Variants in ACVR1C observed in about 807,000 individuals in gnomAD.
The protein encoded by ACVR1C is activin A receptor type 1C.
Under a neutral mutation model 57.9 loss-of-function variants are expected in ACVR1C, and 23 were observed. The observed-to-expected ratio is 0.40, with a 90% CI of 0.29 to 0.56. The LOEUF (loss-of-function observed/expected upper bound fraction) is 0.56. Among genes scored for constraint, ACVR1C ranks in the 20% least tolerant of loss-of-function variants. ACVR1C has a pLI of 0.50. For synonymous variants in ACVR1C, 214 were observed against 215.3 expected (o/e 0.99, Z 0.05); for missense variants, 480 against 607.9 (o/e 0.79, Z 2.21).
chr2:157,552,409 A>C (rs1322337610), intron 3 of ACVR1C, among the ~76,000 whole-genome samples: 1 of 152,252 alleles, frequency 6.6e-6, no homozygotes, highest in Non-Finnish European at 1.5e-5. Flanking sequence ...CTGGGATTAC[A>C]GGCGTGAGCC....
intron 2 of ACVR1C, among the ~76,000 whole-genome samples, chr2:157,573,537 G>T (rs1159485532): frequency 4.0e-5 from 6 of 151,804 alleles, no homozygotes; most frequent in African/African-American, 1.5e-4. Context: ...CCTGAAATTT[G>T]AAGGGTTTTT....
At chr2:157,573,967 A>G (rs1688586147) in intron 2 of ACVR1C, among the ~76,000 whole-genome samples, 1 of 152,226 alleles carries the variant, frequency 6.6e-6, no homozygotes, top group Non-Finnish European at 1.5e-5. Flanking sequence ...ACTCTAGGCC[A>G]GTGGATATAA....
At chr2:157,555,118 T>TC in intron 3 of ACVR1C, among the ~76,000 whole-genome samples, 1 of 124,376 alleles carries the variant, frequency 8.0e-6, no homozygotes, top group East Asian at 2.1e-4. Flanking sequence ...TTTTTTTTTT[T>TC]TTTTTTTTTT....
chr2:157,610,187 T>A (rs1277621086), intron 1 of ACVR1C, among the ~76,000 whole-genome samples: 1 of 152,102 alleles, frequency 6.6e-6, no homozygotes, highest in Non-Finnish European at 1.5e-5. Flanking sequence ...TTCATGATGG[T>A]TGTCTTTTTG....
At chr2:157,562,539 C>T (rs1285003035) in intron 2 of ACVR1C, among the ~76,000 whole-genome samples, 4 of 150,734 alleles carry the variant, frequency 2.7e-5, no homozygotes, top group East Asian at 1.9e-4. Context: ...CAGGACCAGA[C>T]GTACAGAGAG....
intron 2 of ACVR1C, among the ~76,000 whole-genome samples, chr2:157,580,561 C>T (rs1688767090): frequency 6.6e-6 from 1 of 152,164 alleles, no homozygotes; most frequent in African/African-American, 2.4e-5. Context: ...CACAGAAACC[C>T]TTCTTGCTAC....
chr2:157,536,430 A>G (rs1687489227), intron 8 of ACVR1C, among the ~76,000 whole-genome samples: 1 of 152,182 alleles, frequency 6.6e-6, no homozygotes, highest in African/African-American at 2.4e-5. Flanking sequence ...AGATAAATTA[A>G]CTAAAAATTT....
intron 2 of ACVR1C, among the ~76,000 whole-genome samples, chr2:157,559,909 G>A (rs1476691393): frequency 6.6e-6 from 1 of 150,800 alleles, no homozygotes; most frequent in Non-Finnish European, 1.5e-5. Flanking sequence ...GAAGGAAAGA[G>A]GAAGGAAGAA....
intron 1 of ACVR1C, among the ~76,000 whole-genome samples, chr2:157,599,446 G>T (rs1682230984): frequency 6.6e-6 from 1 of 150,968 alleles, no homozygotes; most frequent in Non-Finnish European, 1.5e-5. Context: ...TCTGCCCACG[G>T]AACAGGGCTG....
intron 1 of ACVR1C, 68 bp downstream of exon 1, chr2:157,628,504 G>C: frequency 6.6e-7 from 1 of 1,520,192 alleles, no homozygotes; most frequent in Admixed American, 1.9e-5. Flanking sequence ...CCCCACCCCC[G>C]TGCTCACCCG....
chr2:157,538,313 T>A (rs764267714), intron 8 of ACVR1C, among the ~76,000 whole-genome samples: 10 of 152,292 alleles, frequency 6.6e-5, no homozygotes, highest in Non-Finnish European at 1.3e-4. Context: ...GAGAGTTGCC[T>A]AACCTGCAGA....
intron 2 of ACVR1C, among the ~76,000 whole-genome samples, chr2:157,565,232 T>G (rs1688336184): frequency 6.6e-6 from 1 of 152,120 alleles, no homozygotes; most frequent in Non-Finnish European, 1.5e-5. Context: ...AATACATAAC[T>G]GCACTTTGAT....
chr2:157,538,143 C>A (rs2105202888), intron 8 of ACVR1C, among the ~76,000 whole-genome samples: 1 of 152,214 alleles, frequency 6.6e-6, no homozygotes, highest in Admixed American at 6.5e-5. Flanking sequence ...TGGTAGGAGC[C>A]ATAAGTGGAA....
intron 2 of ACVR1C, among the ~76,000 whole-genome samples, chr2:157,576,206 T>TTTTC (rs1301933932): frequency 1.4e-5 from 2 of 138,830 alleles, no homozygotes; most frequent in African/African-American, 2.7e-5. Context: ...ATCATTTCTT[T>TTTTC]TTTTTTTTTT....
intron 2 of ACVR1C, among the ~76,000 whole-genome samples, chr2:157,573,571 T>C (rs1168663723): frequency 2.6e-5 from 4 of 152,080 alleles, no homozygotes; most frequent in Admixed American, 6.6e-5. Flanking sequence ...ATAGTCTATT[T>C]CCATATGAAG....
In ACVR1C at chr2:157,585,811, G is replaced by C. The variant is rs116132536; in HGVS notation, c.304+1376C>G. ...GGAAGTCTATGGCATCTGAGATAGA[G>C]AGAATAAGTGTGGTCTAAAATCCAC... On this transcript the variant is annotated intron_variant, in intron 2 of 8. Transcript: ENST00000243349. 5.9e-3 allele frequency among the ~76,000 whole-genome samples: 899 copies of C among 152,272 alleles called. 7 individuals are homozygous for C. Among genetic ancestry groups the C allele is most frequent in the African/African-American group, 0.02 (848 of 41,546 alleles).
At chr2:157,545,294 C>T (rs1406038657) in intron 4 of ACVR1C, among the ~76,000 whole-genome samples, 1 of 152,038 alleles carries the variant, frequency 6.6e-6, no homozygotes, top group Non-Finnish European at 1.5e-5. Context: ...CTACAGTAAC[C>T]CTGGGCAGTC....
At chr2:157,628,421 C>T (rs1226815178) in intron 1 of ACVR1C, 151 bp downstream of exon 1, 1 of 920,348 alleles carries the variant, frequency 1.1e-6, no homozygotes, top group East Asian at 2.7e-5. Flanking sequence ...TGCACCCTAT[C>T]CCGCGCCCCC....
chr2:157,566,943 C>A (rs1431683756), intron 2 of ACVR1C, among the ~76,000 whole-genome samples: 1 of 139,760 alleles, frequency 7.2e-6, no homozygotes, highest in Non-Finnish European at 1.6e-5. Flanking sequence ...ACAGCAGTAA[C>A]CTCTGCAGAC....
Sources: gnomAD v4.1 joint callset for allele counts (sites outside exome capture counted in the v4.1 genomes callset) on GRCh38, gnomAD v4.1.1 for gene constraint, MANE v1.5 for transcripts, NCBI Gene and HGNC (gene_info 2026-07-23, HGNC 2026-07-21) for gene names.